Variants in NSUN6 observed in about 807,000 individuals in gnomAD.
NSUN6 encodes NOP2/Sun RNA methyltransferase 6.
Under a neutral mutation model 58.0 loss-of-function variants are expected in NSUN6, and 64 were observed. That is an observed-to-expected ratio of 1.10 (90% CI 0.90 to 1.36). NSUN6 has a LOEUF of 1.36. Ranked by LOEUF, NSUN6 falls within the 40% of genes most tolerant of loss-of-function variation. NSUN6 has a pLI of 0.00. For synonymous variants in NSUN6, 231 were observed against 193.9 expected (o/e 1.19, Z -1.59); for missense variants, 701 against 550.1 (o/e 1.27, Z -2.74).
intron 7 of NSUN6, among the ~76,000 whole-genome samples, chr10:18,587,207 C>T (rs2057189596): frequency 1.3e-5 from 2 of 152,174 alleles, no homozygotes; most frequent in Admixed American, 1.3e-4. Flanking sequence ...ATTTGATGTG[C>T]CTTGCTCACC....
At chr10:18,626,042 C>G (rs1166408002) in intron 3 of NSUN6, among the ~76,000 whole-genome samples, 1 of 152,056 alleles carries the variant, frequency 6.6e-6, no homozygotes, top group Non-Finnish European at 1.5e-5. Flanking sequence ...GAAAGTAACG[C>G]AGTACGTAAG....
chr10:18,573,499 T>G (rs1589914920), intron 8 of NSUN6, among the ~76,000 whole-genome samples: 1 of 151,892 alleles, frequency 6.6e-6, no homozygotes, highest in South Asian at 2.1e-4. Flanking sequence ...CATACCATTC[T>G]ACGTTCCATT....
At position 18,606,563 on chromosome 10, in the gene NSUN6, C is replaced by T. The variant is rs150385458; in HGVS notation, c.657+3282G>A. 4.7e-3 allele frequency among the ~76,000 whole-genome samples: 715 copies of T among 152,232 alleles called. 8 individuals are homozygous for T. Among genetic ancestry groups the T allele is most frequent in the Non-Finnish European group, 7.0e-3 (476 of 68,022 alleles). ...GGAGCTACGTACCTAACATTCATAA[C>T]GTAGTAACACACCAGTGTTGGTTTC... On this transcript the variant is annotated intron_variant, in intron 6 of 10. Coordinates refer to ENST00000377304, the MANE Select transcript of NSUN6 (RefSeq NM_182543.5).
At chr10:18,605,527 C>A (rs1159769445) in intron 6 of NSUN6, among the ~76,000 whole-genome samples, 1 of 152,096 alleles carries the variant, frequency 6.6e-6, no homozygotes, top group Non-Finnish European at 1.5e-5. Context: ...GAATTAGGAG[C>A]AGGATTTGAA....
chr10:18,633,693 G>C (rs1447100451), intron 3 of NSUN6, among the ~76,000 whole-genome samples: 3 of 152,100 alleles, frequency 2.0e-5, no homozygotes, highest in Non-Finnish European at 4.4e-5. Flanking sequence ...GAGGAGTCAA[G>C]TCTGAAAGAA....
chr10:18,588,119 G>A (rs1270965520), intron 7 of NSUN6, among the ~76,000 whole-genome samples: 4 of 152,218 alleles, frequency 2.6e-5, no homozygotes, highest in Non-Finnish European at 5.9e-5. Context: ...TCAGGAGGCT[G>A]TTGTACCTTG....
At position 18,651,556 on chromosome 10, in the gene NSUN6, G is replaced by A. The variant is rs574985136; in HGVS notation, c.-353C>T. 6.0e-6 allele frequency: 6 copies of A among 1,006,470 alleles called. No homozygotes were observed. In the African/African-American group the frequency reaches 8.6e-5, roughly 14 times the overall value. The allele number at this position is 1,006,470 out of a possible 1,614,324, so 62.3% of individuals were successfully genotyped here. ...CGGACGCAGATCAGTAAGCCAGGCTGACAGCAGCTCGGTCCCTTTATCTTT... is the reference window on the plus strand; with the variant it reads ...CGGACGCAGATCAGTAAGCCAGGCTAACAGCAGCTCGGTCCCTTTATCTTT... On this transcript the variant is annotated 5_prime_UTR_variant, in exon 1 of 11. Transcript: ENST00000377304.
chr10:18,546,245 C>A, intron 10 of NSUN6, 100 bp from the exon 11 acceptor site: 1 of 840,262 alleles, frequency 1.2e-6, no homozygotes, highest in Non-Finnish European at 2.1e-6. Flanking sequence ...GTAACGACTA[C>A]ATCTTCCAAA....
chr10:18,549,263 A>C (rs756910030), intron 9 of NSUN6, among the ~76,000 whole-genome samples: 4 of 151,926 alleles, frequency 2.6e-5, no homozygotes, highest in South Asian at 4.2e-4. Flanking sequence ...TACACCTCTT[A>C]CTCTGGCCCA....
chr10:18,583,150 G>C (rs2056980035), intron 8 of NSUN6, among the ~76,000 whole-genome samples: 1 of 152,158 alleles, frequency 6.6e-6, no homozygotes, highest in Non-Finnish European at 1.5e-5. Flanking sequence ...TACCTTGGCT[G>C]ATCAGTCAAC....
At chr10:18,628,324 T>C (rs1479121265) in intron 3 of NSUN6, among the ~76,000 whole-genome samples, 1 of 151,986 alleles carries the variant, frequency 6.6e-6, no homozygotes, top group Admixed American at 6.5e-5. Flanking sequence ...GCAGAAAAAC[T>C]GGAAACTCTA....
At chr10:18,571,830 C>A (rs111071804) in intron 8 of NSUN6, among the ~76,000 whole-genome samples, 18,383 of 151,432 alleles carry the variant, frequency 0.12, 1,397 homozygotes, top group Middle Eastern at 0.22. Context: ...ATTCTCCATT[C>A]TATTTTATTC....
chr10:18,614,689 C>G, intron 4 of NSUN6, 76 bp from the exon 5 acceptor site: 1 of 698,474 alleles, frequency 1.4e-6, no homozygotes, highest in Non-Finnish European at 2.1e-6. Context: ...TGAGCTAGAT[C>G]GGTGATCTCT....
chr10:18,589,461 T>C (rs1438536795), intron 7 of NSUN6, among the ~76,000 whole-genome samples: 1 of 151,954 alleles, frequency 6.6e-6, no homozygotes, highest in South Asian at 2.1e-4. Flanking sequence ...CCAAGACACA[T>C]AATCAGATTT....
At chr10:18,584,092 AG>A (rs1023127206) in intron 8 of NSUN6, among the ~76,000 whole-genome samples, 7 of 152,106 alleles carry the variant, frequency 4.6e-5, no homozygotes, top group African/African-American at 1.7e-4. Context: ...TTTCACCTCC[AG>A]GGGGTGGTCT....
At chr10:18,626,950 G>A (rs1201965153) in intron 3 of NSUN6, among the ~76,000 whole-genome samples, 2 of 152,178 alleles carry the variant, frequency 1.3e-5, no homozygotes, top group East Asian at 3.9e-4. Flanking sequence ...GGAGGAGCAC[G>A]AATTGAGAGA....
intron 2 of NSUN6, among the ~76,000 whole-genome samples, chr10:18,645,157 C>CAAAAAAA (rs71402191): frequency 9.4e-6 from 1 of 106,296 alleles, no homozygotes; most frequent in Non-Finnish European, 2.0e-5. Flanking sequence ...GACTCCCTCT[C>CAAAAAAA]AAAAAAAAAA....
At chr10:18,598,898 T>G (rs535732550) in intron 6 of NSUN6, among the ~76,000 whole-genome samples, 3 of 152,304 alleles carry the variant, frequency 2.0e-5, no homozygotes, top group South Asian at 2.1e-4. Flanking sequence ...CTAAAAATGA[T>G]AACATTAATG....
chr10:18,629,808 G>A (rs1325167461), intron 3 of NSUN6, among the ~76,000 whole-genome samples: 3 of 145,808 alleles, frequency 2.1e-5, no homozygotes, highest in African/African-American at 7.6e-5. Context: ...AATAATGGGA[G>A]ACTTTAACAC....
Sources: allele counts gnomAD v4.1 joint callset (sites outside exome capture counted in the v4.1 genomes callset), GRCh38; gene constraint gnomAD v4.1.1; transcripts MANE v1.5; gene names NCBI Gene and HGNC (gene_info 2026-07-23, HGNC 2026-07-21).